Variants in ANKRD12 observed in about 807,000 individuals in gnomAD.
ANKRD12 encodes the protein ankyrin repeat domain-containing protein 12.
ANKRD12 carries 85 observed loss-of-function variants against 183.4 expected under a neutral mutation model. That is an observed-to-expected ratio of 0.46 (90% CI 0.39 to 0.56). ANKRD12 has a LOEUF of 0.56. ANKRD12 is among the 20% of genes least tolerant of loss of function. The probability of loss-of-function intolerance (pLI) is 0.00; values close to 1 mark genes in which losing one functional copy is unlikely to be tolerated. For synonymous variants in ANKRD12, 914 were observed against 800.2 expected (o/e 1.14, Z -2.40); for missense variants, 2,405 against 2,357.1 (o/e 1.02, Z -0.42).
chr18:9,218,351 T>C (rs956726106), intron 7 of ANKRD12, among the ~76,000 whole-genome samples: 7 of 152,204 alleles, frequency 4.6e-5, no homozygotes, highest in African/African-American at 1.7e-4. Flanking sequence ...ATTGAAGAGC[T>C]ATTGAGAGCT....
intron 2 of ANKRD12, among the ~76,000 whole-genome samples, 179 bp downstream of exon 2, chr18:9,182,698 A>G (rs1418045431): frequency 6.6e-6 from 1 of 152,222 alleles, no homozygotes; most frequent in African/African-American, 2.4e-5. Context: ...ATCATTCCTT[A>G]AGGTGAACAC....
In ANKRD12 at chr18:9,182,525, T is replaced by G; in HGVS notation, c.87+6T>G. The G allele has an allele frequency of 6.5e-7, 1 of 1,540,248 alleles. No individual in the cohort carries two copies. The highest frequency in any genetic ancestry group is 1.2e-5 in the South Asian group (1 of 81,672). On this transcript the variant is annotated splice_donor_region_variant and intron_variant, in intron 2 of 12. Coordinates refer to ENST00000262126, the MANE Select transcript of ANKRD12 (RefSeq NM_015208.5). ...AGAAACCATATGGAAGAAAGGTATA[T>G]GATTATACTAAAGATTTGTTGACTT...
chr18:9,283,147 G>A lies in ANKRD12; in HGVS notation c.*2021G>A, dbSNP rs1269798565. The A allele has an allele frequency of 6.6e-6, 1 of 152,282 alleles. No individual in the cohort carries two copies. 9.4% of individuals were successfully genotyped at this position (152,282 alleles called of 1,614,324 possible). On this transcript the variant is annotated 3_prime_UTR_variant, in exon 13 of 13. Transcript: ENST00000262126. ...TACTGTGGCAAATCATAAAAAACCA[G>A]ATAATTGAACTTTGAAGTTATAGAA...
chr18:9,179,600 C>G (rs897587089), intron 1 of ANKRD12, among the ~76,000 whole-genome samples: 1 of 152,136 alleles, frequency 6.6e-6, no homozygotes, highest in African/African-American at 2.4e-5. Context: ...ACTGCAGCCT[C>G]GACCTCCTGG....
intron 8 of ANKRD12, among the ~76,000 whole-genome samples, chr18:9,251,523 G>T (rs1459043361): frequency 1.3e-5 from 2 of 152,168 alleles, no homozygotes; most frequent in Non-Finnish European, 2.9e-5. Context: ...GCTGGGCATG[G>T]TGGCTCACAC....
chr18:9,276,315 C>T (rs951574175), intron 11 of ANKRD12, among the ~76,000 whole-genome samples: 9 of 152,232 alleles, frequency 5.9e-5, no homozygotes, highest in Admixed American at 5.9e-4. Context: ...GCTAGTAGTA[C>T]AAAGGATAAT....
In ANKRD12 at chr18:9,257,227, C is replaced by G. The variant is rs369405168; in HGVS notation, c.3960C>G (p.Thr1320=). 82 of 1,613,920 alleles carry G rather than the reference C, an allele frequency of 5.1e-5. No homozygotes were observed. The highest frequency in any genetic ancestry group is 6.7e-5 in the Non-Finnish European group (79 of 1,179,986). The part of the protein sequence containing the change: ...CSMPSVICEH[T]KQFQTISEES... ...TGCCTTCTGTCATTTGTGAACATAC[C>G]AAACAATTCCAAACAATATCAGAAG... is the stretch of plus-strand genomic sequence containing the variant. The change falls in exon 9 of 13, where the codon ACC becomes ACG. Residue 1320 remains threonine, a synonymous_variant. Transcript: ENST00000262126.
intron 7 of ANKRD12, among the ~76,000 whole-genome samples, chr18:9,219,076 C>T (rs531607351): frequency 6.6e-6 from 1 of 152,204 alleles, no homozygotes; most frequent in South Asian, 2.1e-4. Context: ...TTTTAAGCAA[C>T]TTTAAGAACA....
intron 1 of ANKRD12, among the ~76,000 whole-genome samples, chr18:9,149,791 A>T (rs4797357): frequency 0.027 from 3,950 of 146,258 alleles, 103 homozygotes; most frequent in Non-Finnish European, 0.034. Context: ...TTTATTTATT[A>T]AATTTTATTT....
At chr18:9,182,334 C>CTTCGGGTAGGTT (rs60039834) in intron 1 of ANKRD12, 48 bp from the exon 2 acceptor site, 4 of 507,612 alleles carry the variant, frequency 7.9e-6, no homozygotes, top group South Asian at 5.3e-5. Context: ...TGGTGCGTAA[C>CTTCGGGTAGGTT]CTATTGTATA....
At chr18:9,147,219 A>C (rs1266595460) in intron 1 of ANKRD12, among the ~76,000 whole-genome samples, 1 of 152,162 alleles carries the variant, frequency 6.6e-6, no homozygotes, top group Non-Finnish European at 1.5e-5. Context: ...CCACTGTTAA[A>C]ACTATATCGA....
intron 1 of ANKRD12, among the ~76,000 whole-genome samples, chr18:9,138,076 G>C (rs886978143): frequency 7.2e-5 from 11 of 152,308 alleles, no homozygotes; most frequent in Middle Eastern, 6.8e-3. Context: ...GTATGTAATG[G>C]TTCGGAATTA....
chr18:9,189,124 C>A (rs892114435), intron 2 of ANKRD12, among the ~76,000 whole-genome samples: 8 of 152,154 alleles, frequency 5.3e-5, no homozygotes, highest in Non-Finnish European at 1.2e-4. Flanking sequence ...AAAGTGAACA[C>A]ACCATAAGAA....
rs2040124524 is a variant in ANKRD12, at chr18:9,282,154, T to C, written c.*1028T>C. On this transcript the variant is annotated 3_prime_UTR_variant, in exon 13 of 13. Transcript: ENST00000262126. ...TCACCTATGAAAGAATCTGTGAATA[T>C]ATGTAAATACGTTTAATAAATTTTA... 1.3e-5 allele frequency: 2 copies of C among 152,632 alleles called. No homozygotes were observed. The highest frequency in any genetic ancestry group is 1.3e-4 in the Admixed American group (2 of 15,284). 9.5% of individuals were successfully genotyped at this position (152,632 alleles called of 1,614,324 possible). A position where few individuals can be genotyped will look rare whatever the true frequency, so the allele number is the denominator to read the frequency against.
chr18:9,242,669 T>C (rs368075425), intron 8 of ANKRD12, among the ~76,000 whole-genome samples: 3 of 152,184 alleles, frequency 2.0e-5, no homozygotes, highest in East Asian at 3.8e-4. Flanking sequence ...CTTGATTGAT[T>C]ATAGAATCAA....
At chr18:9,242,411 T>G (rs2037715145) in intron 8 of ANKRD12, among the ~76,000 whole-genome samples, 1 of 151,966 alleles carries the variant, frequency 6.6e-6, no homozygotes, top group African/African-American at 2.4e-5. Context: ...AGGGTACATT[T>G]GGGCAGAACA....
At chr18:9,162,224 T>G (rs12954031) in intron 1 of ANKRD12, among the ~76,000 whole-genome samples, 114,789 of 145,312 alleles carry the variant, frequency 0.79, 45,640 homozygotes, top group Middle Eastern at 0.88. Flanking sequence ...CCCAGTGTGT[T>G]TGTCCCCCCC....
Position 9,256,394 on chromosome 18 carries a change from C to T in ANKRD12, c.3127C>T (p.Leu1043Phe), listed in dbSNP as rs764633920. The T allele has an allele frequency of 2.5e-6, 4 of 1,609,684 alleles. No individual in the cohort carries two copies. The highest frequency in any genetic ancestry group is 1.7e-5 in the Admixed American group (1 of 59,148). ...HKDKIQINSL[L>F]KLKSEADKPK... ...AGATAAAATTCAAATAAATAGCTTACTCAAACTAAAATCTGAAGCAGATAA... is the reference window on the plus strand; with the variant it reads ...AGATAAAATTCAAATAAATAGCTTATTCAAACTAAAATCTGAAGCAGATAA... Residue 1043 changes from leucine (L) to phenylalanine (F), a missense_variant, in exon 9 of 13, where the codon CTC becomes TTC. By Grantham distance (22) the Leu-to-Phe change is conservative. This residue lies in a region of ANKRD12 where 1,983 missense variants were observed against 1,725.9 expected (regional missense o/e 1.15). Coordinates refer to ENST00000262126, the MANE Select transcript of ANKRD12 (RefSeq NM_015208.5).
intron 10 of ANKRD12, among the ~76,000 whole-genome samples, chr18:9,268,048 C>A (rs1451339223): frequency 6.6e-6 from 1 of 152,158 alleles, no homozygotes; most frequent in Non-Finnish European, 1.5e-5. Context: ...AACACATACA[C>A]CCTCCCAAGA....
Sources: allele counts gnomAD v4.1 joint callset (sites outside exome capture counted in the v4.1 genomes callset), GRCh38; gene constraint gnomAD v4.1.1; regional missense constraint gnomAD v4.1.1; transcripts MANE v1.5; gene names NCBI Gene and HGNC (gene_info 2026-07-23, HGNC 2026-07-21).